AKAP1: variants seen among roughly 807,000 people sequenced by gnomAD.
AKAP1 encodes A-kinase anchoring protein 1, also known as A-kinase anchor protein 1, mitochondrial.
Under a neutral mutation model 79.8 loss-of-function variants are expected in AKAP1, and 32 were observed. The observed-to-expected ratio is 0.40, with a 90% CI of 0.30 to 0.54. The LOEUF is 0.54. Among genes scored for constraint, AKAP1 ranks in the 20% least tolerant of loss-of-function variants. AKAP1 has a pLI of 0.47. For missense variants in AKAP1, 961 were observed against 1,138.9 expected, an observed-to-expected ratio of 0.84 and a Z score of 2.25; for synonymous variants, 416 against 466.7, an observed-to-expected ratio of 0.89 and a Z score of 1.40.
chr17:57,117,566 C>T (rs1295553866), intron 8 of AKAP1, among the ~76,000 whole-genome samples: 3 of 152,192 alleles, frequency 2.0e-5, no homozygotes, highest in Admixed American at 1.3e-4. Context: ...CCCTTCTGAT[C>T]TCCTTCTTGC....
Position 57,110,166 on chromosome 17 carries a change from C to T in AKAP1, c.1848+8C>T, listed in dbSNP as rs746380441. 20 of 1,613,244 alleles carry T rather than the reference C, an allele frequency of 1.2e-5. No homozygotes were observed. The East Asian group carries it at 2.9e-4, about 23-fold the overall frequency. On this transcript the variant is annotated splice_region_variant and intron_variant, in intron 3 of 10. Transcript: ENST00000337714. ...GAGATCGAGGTGCCAAAGGTAGGGG[C>T]GGAGTCCCCCAGGCTGGTTCTGTGG...
At chr17:57,101,984 C>T (rs1048350901) in intron 1 of AKAP1, among the ~76,000 whole-genome samples, 5 of 152,160 alleles carry the variant, frequency 3.3e-5, no homozygotes, top group South Asian at 2.1e-4. Flanking sequence ...TCGGTAACAT[C>T]GGTATGTCAG....
chr17:57,098,059 C>G (rs76081631), intron 1 of AKAP1, among the ~76,000 whole-genome samples: 1,952 of 152,324 alleles, frequency 0.013, 34 homozygotes, highest in East Asian at 0.063. Flanking sequence ...AGAGTGAGGC[C>G]ATTACTTTTC....
chr17:57,113,148 G>A (rs11079278), intron 5 of AKAP1, among the ~76,000 whole-genome samples: 1 of 152,122 alleles, frequency 6.6e-6, no homozygotes. Context: ...AGTGACTCTT[G>A]GGAGGTTGCC....
chr17:57,088,926 C>T (rs905038542), intron 1 of AKAP1, among the ~76,000 whole-genome samples: 17 of 152,158 alleles, frequency 1.1e-4, no homozygotes, highest in African/African-American at 4.1e-4. Context: ...CCAGGTGTCA[C>T]TAAGGCCCAG....
intron 6 of AKAP1, 39 bp from the exon 7 acceptor site, chr17:57,116,072 G>C: frequency 6.2e-7 from 1 of 1,600,544 alleles, no homozygotes; most frequent in Non-Finnish European, 8.5e-7. Flanking sequence ...GCCCTGCCCT[G>C]GCCCAGGCGT....
chr17:57,111,161 CGTT>C (rs769202804), intron 3 of AKAP1, among the ~76,000 whole-genome samples: 2 of 152,122 alleles, frequency 1.3e-5, no homozygotes, highest in Non-Finnish European at 2.9e-5. Flanking sequence ...GGGAGGGGGT[CGTT>C]GGCGGTTGTG....
chr17:57,094,129 T>A (rs1164444284), intron 1 of AKAP1: 2 of 152,198 alleles, frequency 1.3e-5, no homozygotes, highest in African/African-American at 2.4e-5. Flanking sequence ...CCTCGCAGCC[T>A]CCACCATTGC....
At chr17:57,115,260 A>G (rs893178269) in intron 6 of AKAP1, among the ~76,000 whole-genome samples, 6 of 152,244 alleles carry the variant, frequency 3.9e-5, no homozygotes, top group African/African-American at 1.4e-4. Context: ...AGGGTCACTC[A>G]GTGCAGTAGA....
At chr17:57,099,205 T>A (rs549442534) in intron 1 of AKAP1, among the ~76,000 whole-genome samples, 21 of 152,272 alleles carry the variant, frequency 1.4e-4, no homozygotes, top group Admixed American at 3.3e-4. Flanking sequence ...TGTTGGAGGA[T>A]GGTTCACATC....
Position 57,106,095 on chromosome 17 carries a change from G to A in AKAP1, c.631G>A (p.Gly211Arg). The A allele has an allele frequency of 6.2e-7, 1 of 1,606,056 alleles. No homozygotes were observed. The highest frequency in any genetic ancestry group is 8.5e-7 in the Non-Finnish European group (1 of 1,175,254). ...CGAAGGGACTGGTGATGCCGTGTTG[G>A]GGGAAAAGGTGCTTGAAGAAGCTCT... ...GAEGTGDAVLGEKVLEEALLS... is the reference protein window; with the variant it reads ...GAEGTGDAVLREKVLEEALLS... The change falls in exon 2 of 11, where the codon GGG (glycine) becomes AGG (arginine). Residue 211 changes from glycine (G) to arginine (R), a missense_variant. Gly to Arg is a moderately radical substitution (Grantham distance 125). Transcript: ENST00000337714.
chr17:57,110,228 C>A, intron 3 of AKAP1, 70 bp downstream of exon 3: 1 of 1,576,272 alleles, frequency 6.3e-7, no homozygotes, highest in Non-Finnish European at 8.6e-7. Flanking sequence ...GCCATTAGAC[C>A]TCAGGGAGGG....
chr17:57,113,139 G>C (rs1187992017), intron 5 of AKAP1, among the ~76,000 whole-genome samples: 3 of 152,220 alleles, frequency 2.0e-5, no homozygotes. Context: ...CGGAAGTCCA[G>C]TGACTCTTGG....
In AKAP1 at chr17:57,120,280, C is replaced by G. The variant is rs1460342121; in HGVS notation, c.2668C>G (p.Arg890Gly). Residue 890 changes from arginine (R) to glycine (G), a missense_variant, in exon 11 of 11, where the codon CGA becomes GGA. Around this residue, in one of 3 missense-constraint regions of AKAP1, gnomAD observed 629 missense variants for 781.1 expected, o/e 0.81. Coordinates refer to ENST00000337714, the MANE Select transcript of AKAP1 (RefSeq NM_003488.4). The part of the protein sequence containing the change: ...VVLINRSLVE[R>G]GLAQWVDSYY... ...GTTGATAAACCGGTCCCTGGTGGAG[C>G]GAGGCCTTGCCCAGTGGGTAGACAG... 2 of 1,613,660 alleles carry G rather than the reference C, an allele frequency of 1.2e-6. No homozygotes were observed. The highest frequency in any genetic ancestry group is 1.7e-6 in the Non-Finnish European group (2 of 1,179,898).
intron 1 of AKAP1, chr17:57,093,865 T>G (rs186226542): frequency 2.6e-5 from 4 of 152,110 alleles, no homozygotes; most frequent in Admixed American, 2.6e-4. Context: ...TTTGTTTTTC[T>G]GCTGTGGGAG....
chr17:57,110,274 C>A, intron 3 of AKAP1, 116 bp downstream of exon 3: 1 of 1,425,564 alleles, frequency 7.0e-7, no homozygotes, highest in Non-Finnish European at 9.4e-7. Flanking sequence ...CCAGAAGGAG[C>A]CCTGGGTCAG....
At position 57,106,135 on chromosome 17, in the gene AKAP1, A is replaced by G; in HGVS notation, c.671A>G (p.His224Arg). 6.2e-7 allele frequency: 1 copy of G among 1,608,924 alleles called. No individual in the cohort carries two copies. Among genetic ancestry groups the G allele is most frequent in the Non-Finnish European group, 8.5e-7 (1 of 1,176,634 alleles). The part of the protein sequence containing the change: ...VLEEALLSRE[H>R]VLELENSKGP... ...GAAGAAGCTCTGTTGTCTCGGGAGC[A>G]TGTCTTGGAATTGGAGAACAGCAAG... Residue 224 changes from histidine (H) to arginine (R), a missense_variant, in exon 2 of 11, where the codon CAT becomes CGT. Physicochemically the swap from His to Arg is conservative, Grantham distance 29. Around this residue, in one of 3 missense-constraint regions of AKAP1, gnomAD observed 224 missense variants for 210.2 expected, o/e 1.07. Transcript: ENST00000337714.
chr17:57,108,791 C>T (rs761664520), intron 2 of AKAP1, among the ~76,000 whole-genome samples: 10 of 152,190 alleles, frequency 6.6e-5, no homozygotes, highest in African/African-American at 9.7e-5. Flanking sequence ...TGCTAGAGTC[C>T]GGGTGTGGTT....
At chr17:57,119,199 G>A (rs1915772300) in intron 10 of AKAP1, among the ~76,000 whole-genome samples, 155 bp downstream of exon 10, 1 of 152,192 alleles carries the variant, frequency 6.6e-6, no homozygotes, top group Non-Finnish European at 1.5e-5. Context: ...CTGATTGGCA[G>A]TGGTGATGTC....
Sources: gnomAD v4.1 joint callset for allele counts (sites outside exome capture counted in the v4.1 genomes callset) on GRCh38, gnomAD v4.1.1 for gene constraint, gnomAD v4.1.1 regional missense constraint, MANE v1.5 for transcripts, NCBI Gene and HGNC (gene_info 2026-07-23, HGNC 2026-07-21) for gene names.